The following PDE1C variants were observed in gnomAD, a reference collection of about 807,000 sequenced individuals.
PDE1C encodes the protein phosphodiesterase 1C.
A neutral mutation model predicts 93.1 loss-of-function variants in PDE1C; 62 were observed. The ratio of observed to expected loss-of-function variants is 0.67; its 90% CI spans 0.54 to 0.82. The LOEUF (loss-of-function observed/expected upper bound fraction) is 0.82, where lower values mean the gene tolerates loss of function less well. PDE1C is among the 40% of genes least tolerant of loss of function. The pLI is 0.00. For synonymous variants in PDE1C, 325 were observed against 310.1 expected (o/e 1.05, Z -0.50); for missense variants, 742 against 884.6 (o/e 0.84, Z 2.04).
In PDE1C at chr7:32,414,776, A is replaced by G. The variant is rs141353517; in HGVS notation, c.310+13046T>C. Among the ~76,000 whole-genome samples the G allele has an allele frequency of 4.8e-4, 73 of 152,100 alleles. 1 individual carries two copies. The East Asian group carries it at 0.014, about 29-fold the overall frequency. ...AAGTGCAGTAATACAAACAACTTAGACACAGGTGAAGATGACCCAGAAATG... is the reference window on the plus strand; with the variant it reads ...AAGTGCAGTAATACAAACAACTTAGGCACAGGTGAAGATGACCCAGAAATG... On this transcript the variant is annotated intron_variant, in intron 1 of 1. Transcript: ENST00000672256.
intron 2 of PDE1C, among the ~76,000 whole-genome samples, chr7:31,915,796 A>G (rs1407516699): frequency 2.0e-5 from 3 of 152,194 alleles, no homozygotes; most frequent in Non-Finnish European, 2.9e-5. Flanking sequence ...GAAAGCATAC[A>G]CATTTATTTA....
chr7:32,041,150 T>C (rs914120521), intron 2 of PDE1C, among the ~76,000 whole-genome samples: 4 of 152,148 alleles, frequency 2.6e-5, no homozygotes, highest in Non-Finnish European at 5.9e-5. Flanking sequence ...GACTATTTCA[T>C]TCCAGGCTCA....
chr7:31,754,441 T>C (rs1206419587), intron 17 of PDE1C, among the ~76,000 whole-genome samples: 1 of 152,226 alleles, frequency 6.6e-6, no homozygotes, highest in African/African-American at 2.4e-5. Context: ...ACATGAATTT[T>C]TGTAGAATCT....
the PDE1C span, among the ~76,000 whole-genome samples, chr7:31,650,806 A>G: frequency 3.9e-5 from 6 of 152,170 alleles, no homozygotes; most frequent in African/African-American, 1.4e-4. Flanking sequence ...AATTTCTCAC[A>G]AACCCTTACT....
At chr7:31,620,155 C>A in the PDE1C span, among the ~76,000 whole-genome samples, 2 of 152,174 alleles carry the variant, frequency 1.3e-5, no homozygotes, top group African/African-American at 4.8e-5. Context: ...CTGCCTGCCT[C>A]TGCAGGCTCC....
chr7:32,312,242 A>G (rs1313484768), intron 1 of PDE1C, among the ~76,000 whole-genome samples: 2 of 152,218 alleles, frequency 1.3e-5, no homozygotes, highest in East Asian at 3.8e-4. Flanking sequence ...ACCACTGCTC[A>G]AGGAAATAAA....
At chr7:32,283,104 A>G (rs779102274) in intron 1 of PDE1C, among the ~76,000 whole-genome samples, 2 of 152,238 alleles carry the variant, frequency 1.3e-5, no homozygotes, top group Non-Finnish European at 2.9e-5. Flanking sequence ...TGTAGAGACA[A>G]TGATAGTTAC....
chr7:31,812,341 C>T (rs1787658437), intron 15 of PDE1C, among the ~76,000 whole-genome samples: 1 of 152,132 alleles, frequency 6.6e-6, no homozygotes, highest in Non-Finnish European at 1.5e-5. Context: ...ATTATTTCCA[C>T]ATCTGCCCTC....
the PDE1C span, among the ~76,000 whole-genome samples, chr7:31,670,147 C>T: frequency 6.6e-6 from 1 of 152,186 alleles, no homozygotes; most frequent in Non-Finnish European, 1.5e-5. Flanking sequence ...CTGAGTATCC[C>T]TTATCTGAAA....
At chr7:32,125,995 T>C (rs1030889094) in intron 3 of PDE1C, among the ~76,000 whole-genome samples, 1 of 152,102 alleles carries the variant, frequency 6.6e-6, no homozygotes, top group African/African-American at 2.4e-5. Flanking sequence ...ATTGGAACTA[T>C]TGGGGCAGAC....
At chr7:32,227,288 C>T (rs1389810813) in intron 1 of PDE1C, among the ~76,000 whole-genome samples, 3 of 152,182 alleles carry the variant, frequency 2.0e-5, no homozygotes, top group South Asian at 4.1e-4. Flanking sequence ...TCAGGGGGCA[C>T]AGAGAAGGGA....
At chr7:31,953,097 T>C (rs988192049) in intron 2 of PDE1C, among the ~76,000 whole-genome samples, 3 of 152,198 alleles carry the variant, frequency 2.0e-5, no homozygotes, top group Admixed American at 6.5e-5. Flanking sequence ...AATAATTATA[T>C]ATGGCCAGAG....
chr7:32,162,417 C>T (rs1490066178), intron 3 of PDE1C, among the ~76,000 whole-genome samples: 1 of 152,106 alleles, frequency 6.6e-6, no homozygotes, highest in Non-Finnish European at 1.5e-5. Flanking sequence ...GATGTCAAGA[C>T]AGGATTAGAC....
chr7:32,401,606 A>T (rs1466280311), intron 1 of PDE1C, among the ~76,000 whole-genome samples: 1 of 152,120 alleles, frequency 6.6e-6, no homozygotes, highest in Admixed American at 6.6e-5. Flanking sequence ...AAATAGAAAC[A>T]GATGTCCTGA....
At chr7:31,669,621 G>T in the PDE1C span, among the ~76,000 whole-genome samples, 1 of 152,090 alleles carries the variant, frequency 6.6e-6, no homozygotes, top group Admixed American at 6.6e-5. Context: ...TCTAAATTTG[G>T]AACAGGAACA....
intron 3 of PDE1C, among the ~76,000 whole-genome samples, chr7:32,121,551 C>T (rs929199909): frequency 6.6e-6 from 1 of 152,152 alleles, no homozygotes; most frequent in Non-Finnish European, 1.5e-5. Flanking sequence ...ACCCTACAAG[C>T]AAGCCAGAAA....
At chr7:31,979,151 A>G (rs997892702) in intron 2 of PDE1C, among the ~76,000 whole-genome samples, 1 of 152,166 alleles carries the variant, frequency 6.6e-6, no homozygotes, top group Non-Finnish European at 1.5e-5. Context: ...ATCACCACTC[A>G]AACATTATGT....
chr7:32,112,840 G>GTATATATATATATATATATA (rs1563322964), intron 3 of PDE1C, among the ~76,000 whole-genome samples: 2 of 53,664 alleles, frequency 3.7e-5, no homozygotes, highest in African/African-American at 1.9e-4. Context: ...GTGTGTGTGT[G>GTATATATATATATATATATA]TGTGTGTATA....
chr7:31,835,834 AACACACACACACAGGC>A (rs1005677757), intron 11 of PDE1C, among the ~76,000 whole-genome samples: 1 of 151,882 alleles, frequency 6.6e-6, no homozygotes, highest in Non-Finnish European at 1.5e-5. Context: ...TCAGAAGGAA[AACACACACACACAGGC>A]ACACACACAC....
Sources: gnomAD v4.1 joint callset for allele counts (sites outside exome capture counted in the v4.1 genomes callset) on GRCh38, gnomAD v4.1.1 for gene constraint, MANE v1.5 for transcripts, NCBI Gene and HGNC (gene_info 2026-07-23, HGNC 2026-07-21) for gene names.